CNTNAP2: variants seen among roughly 807,000 people sequenced by gnomAD.
The protein encoded by CNTNAP2 is contactin associated protein 2, also known as contactin-associated protein-like 2.
Under a neutral mutation model 155.2 loss-of-function variants are expected in CNTNAP2, and 98 were observed. The ratio of observed to expected loss-of-function variants is 0.63; its 90% CI spans 0.54 to 0.75. CNTNAP2 has a LOEUF of 0.75. Ranked by LOEUF, CNTNAP2 falls within the 30% of genes least tolerant of loss-of-function variation. The pLI, the probability that CNTNAP2 is intolerant of heterozygous loss-of-function variation, is 0.00. For synonymous variants in CNTNAP2, 651 were observed against 631.2 expected (o/e 1.03, Z -0.47); for missense variants, 1,727 against 1,688.1 (o/e 1.02, Z -0.40).
chr7:146,838,676 T>A (rs574455741), intron 2 of CNTNAP2, among the ~76,000 whole-genome samples: 1 of 152,238 alleles, frequency 6.6e-6, no homozygotes, highest in Non-Finnish European at 1.5e-5. Flanking sequence ...TATCATAGTT[T>A]TAAGCAAAAA....
At chr7:146,591,927 A>G (rs753269374) in intron 1 of CNTNAP2, among the ~76,000 whole-genome samples, 1 of 152,266 alleles carries the variant, frequency 6.6e-6, no homozygotes. Flanking sequence ...CTCCTTTTCA[A>G]TATCCTTCTC....
chr7:146,760,087 T>C (rs1213899557), intron 1 of CNTNAP2, among the ~76,000 whole-genome samples: 1 of 152,092 alleles, frequency 6.6e-6, no homozygotes, highest in Non-Finnish European at 1.5e-5. Context: ...TGACTGGTAA[T>C]TTTAGTCAAA....
chr7:146,527,916 C>T (rs977723455), intron 1 of CNTNAP2, among the ~76,000 whole-genome samples: 7 of 152,016 alleles, frequency 4.6e-5, no homozygotes, highest in African/African-American at 1.2e-4. Flanking sequence ...TAATCAAAAC[C>T]CTCGTTAGAG....
chr7:146,584,174 C>G (rs1798652770), intron 1 of CNTNAP2, among the ~76,000 whole-genome samples: 1 of 152,096 alleles, frequency 6.6e-6, no homozygotes, highest in South Asian at 2.1e-4. Flanking sequence ...CAATTTCACT[C>G]CTAGGCTTTA....
intron 23 of CNTNAP2, 71 bp downstream of exon 23, chr7:148,409,542 G>A: frequency 7.2e-7 from 1 of 1,380,064 alleles, no homozygotes; most frequent in African/African-American, 1.4e-5. Flanking sequence ...CAATAACATA[G>A]TAGTCTAGGA....
At chr7:147,863,919 C>A (rs952762465) in intron 13 of CNTNAP2, among the ~76,000 whole-genome samples, 11 of 152,166 alleles carry the variant, frequency 7.2e-5, no homozygotes, top group African/African-American at 2.7e-4. Context: ...CATGCAGAAG[C>A]TCTTTGGTTT....
At chr7:147,504,346 A>T (rs1798869107) in intron 11 of CNTNAP2, among the ~76,000 whole-genome samples, 1 of 152,118 alleles carries the variant, frequency 6.6e-6, no homozygotes, top group Non-Finnish European at 1.5e-5. Context: ...GGGTCTTGGC[A>T]ATCATTTATT....
Position 148,415,271 on chromosome 7 carries a change from C to T in CNTNAP2, c.3797-146C>T, listed in dbSNP as rs551952729. 4.6e-6 allele frequency: 4 copies of T among 864,680 alleles called. No individual in the cohort carries two copies. In the East Asian group the frequency reaches 8.0e-5, roughly 17 times the overall value. The allele number at this position is 864,680 out of a possible 1,614,324, so 53.6% of individuals were successfully genotyped here. ...TTCATGGACAAAAACAGACATCTTA[C>T]TTCATTTTTGTTATCTTTGTTGTTT... On this transcript the variant is annotated intron_variant, in intron 23 of 23. Transcript: ENST00000361727.
At chr7:148,200,204 T>C (rs887834467) in intron 18 of CNTNAP2, among the ~76,000 whole-genome samples, 3 of 152,198 alleles carry the variant, frequency 2.0e-5, no homozygotes, top group African/African-American at 7.2e-5. Context: ...CCAGCCACAT[T>C]GACACACGAA....
intron 1 of CNTNAP2, among the ~76,000 whole-genome samples, chr7:146,349,303 A>G (rs1306124337): frequency 6.6e-6 from 1 of 152,218 alleles, no homozygotes; most frequent in African/African-American, 2.4e-5. Flanking sequence ...CACAGATGCC[A>G]TCATAGAATT....
At position 147,780,052 on chromosome 7, in the gene CNTNAP2, T is replaced by C. The variant is rs1015046545; in HGVS notation, c.2099-123513T>C. 3.9e-5 allele frequency among the ~76,000 whole-genome samples: 6 copies of C among 152,236 alleles called. No homozygotes were observed. The South Asian group carries it at 8.3e-4, about 21-fold the overall frequency. On this transcript the variant is annotated intron_variant, in intron 13 of 23. Coordinates refer to ENST00000361727, the MANE Select transcript of CNTNAP2 (RefSeq NM_014141.6). The stretch of plus-strand genomic sequence containing the variant: ...CCTTGTGTAATTCCTGTGAATGATT[T>C]TCAAGGGATCTTTTGGCATGTACAA...
At chr7:147,212,757 A>G (rs1475920792) in intron 8 of CNTNAP2, among the ~76,000 whole-genome samples, 1 of 152,194 alleles carries the variant, frequency 6.6e-6, no homozygotes, top group Non-Finnish European at 1.5e-5. Context: ...ATTATTAAAA[A>G]CAAAATTGTA....
chr7:147,739,458 A>G (rs1254748041), intron 13 of CNTNAP2, among the ~76,000 whole-genome samples: 1 of 152,192 alleles, frequency 6.6e-6, no homozygotes, highest in East Asian at 1.9e-4. Flanking sequence ...TGTTGAATAA[A>G]AACAGTGAGT....
intron 3 of CNTNAP2, among the ~76,000 whole-genome samples, chr7:147,039,521 T>C (rs1225251935): frequency 1.3e-5 from 2 of 152,220 alleles, no homozygotes; most frequent in Non-Finnish European, 2.9e-5. Context: ...CAGCTCCATC[T>C]CATTCTTTTT....
rs186608678 is a variant in CNTNAP2 at position 148,188,230 on chromosome 7, C to T, written c.3010+15752C>T. 2.6e-5 allele frequency among the ~76,000 whole-genome samples: 4 copies of T among 152,262 alleles called. No individual in the cohort carries two copies. In the East Asian group the frequency reaches 7.7e-4, roughly 29 times the overall value. On this transcript the variant is annotated intron_variant, in intron 18 of 23. Coordinates refer to ENST00000361727, the MANE Select transcript of CNTNAP2 (RefSeq NM_014141.6). Reference sequence around the variant, plus strand: ...CCTGTGACCTATTGTTCTATTAGGCCATTCTATTCTATTACAGCATCATTT... The same window carrying T: ...CCTGTGACCTATTGTTCTATTAGGCTATTCTATTCTATTACAGCATCATTT...
At chr7:147,187,328 C>A (rs1298924305) in intron 8 of CNTNAP2, among the ~76,000 whole-genome samples, 1 of 152,064 alleles carries the variant, frequency 6.6e-6, no homozygotes, top group African/African-American at 2.4e-5. Context: ...AGAGTAGACT[C>A]ATTAATCAAT....
At chr7:148,130,608 G>A (rs886480409) in intron 16 of CNTNAP2, among the ~76,000 whole-genome samples, 10 of 152,172 alleles carry the variant, frequency 6.6e-5, no homozygotes, top group South Asian at 2.1e-4. Flanking sequence ...AGTGATTTAC[G>A]GCCTAACTTA....
chr7:147,565,670 G>C (rs144434812), intron 12 of CNTNAP2, among the ~76,000 whole-genome samples: 53 of 152,292 alleles, frequency 3.5e-4, no homozygotes, highest in Middle Eastern at 3.4e-3. Flanking sequence ...TGTTTAAAGA[G>C]AGACAGTTAT....
intron 1 of CNTNAP2, among the ~76,000 whole-genome samples, chr7:146,228,867 A>G (rs1799337429): frequency 6.6e-6 from 1 of 152,158 alleles, no homozygotes; most frequent in Admixed American, 6.5e-5. Flanking sequence ...TAATAGCACA[A>G]TTTCTCATCC....
Sources: allele counts gnomAD v4.1 joint callset (sites outside exome capture counted in the v4.1 genomes callset), GRCh38; gene constraint gnomAD v4.1.1; transcripts MANE v1.5; gene names NCBI Gene and HGNC (gene_info 2026-07-23, HGNC 2026-07-21).